Variants in CADM1 observed in about 807,000 individuals in gnomAD.
CADM1 encodes TSLC-1.
A neutral mutation model predicts 53.1 loss-of-function variants in CADM1; 15 were observed. The observed-to-expected ratio is 0.28, with a 90% CI of 0.19 to 0.44. The LOEUF (loss-of-function observed/expected upper bound fraction) is 0.44, where lower values mean the gene tolerates loss of function less well. Ranked by LOEUF, CADM1 falls within the 20% of genes least tolerant of loss-of-function variation. The pLI is 1.00. For synonymous variants in CADM1, 281 were observed against 243.0 expected (o/e 1.16, Z -1.45); for missense variants, 434 against 611.3 (o/e 0.71, Z 3.06).
intron 1 of CADM1, among the ~76,000 whole-genome samples, chr11:115,290,983 A>C (rs1480916471): frequency 1.3e-5 from 2 of 152,212 alleles, no homozygotes; most frequent in East Asian, 3.9e-4. Flanking sequence ...GCTGCCTGAC[A>C]TTAACTCTAT....
chr11:115,496,137 C>T (rs990666534), intron 1 of CADM1, among the ~76,000 whole-genome samples: 5 of 152,060 alleles, frequency 3.3e-5, no homozygotes, highest in African/African-American at 7.2e-5. Flanking sequence ...TAAATTTTCA[C>T]GAAAATCATG....
chr11:115,392,924 C>T (rs912748381), intron 1 of CADM1, among the ~76,000 whole-genome samples: 8 of 151,830 alleles, frequency 5.3e-5, no homozygotes, highest in Non-Finnish European at 1.0e-4. Context: ...ACCTGTAGTT[C>T]GCATGTGCTC....
chr11:115,413,644 C>CTTTTTTCTTTTTTT (rs1947513974), intron 1 of CADM1, among the ~76,000 whole-genome samples: 1 of 120,916 alleles, frequency 8.3e-6, no homozygotes, highest in African/African-American at 2.9e-5. Flanking sequence ...CAGCTCAGTT[C>CTTTTTTCTTTTTTT]TTTTTTTTTT....
chr11:115,434,622 T>C (rs1370077240), intron 1 of CADM1, among the ~76,000 whole-genome samples: 4 of 152,096 alleles, frequency 2.6e-5, no homozygotes, highest in Non-Finnish European at 5.9e-5. Flanking sequence ...ATAATCTGGG[T>C]ACAGCCCTTA....
intron 1 of CADM1, among the ~76,000 whole-genome samples, chr11:115,243,385 A>G (rs1408739517): frequency 6.6e-6 from 1 of 152,228 alleles, no homozygotes; most frequent in Admixed American, 6.5e-5. Context: ...TTGCTGAAAG[A>G]TATCAAAGGG....
chr11:115,217,235 C>T (rs181636681), intron 6 of CADM1, among the ~76,000 whole-genome samples: 34 of 152,166 alleles, frequency 2.2e-4, no homozygotes, highest in Non-Finnish European at 4.3e-4. Context: ...ATATGTAGTT[C>T]CTCAAATTCA....
intron 1 of CADM1, among the ~76,000 whole-genome samples, chr11:115,362,007 T>C (rs1309366773): frequency 6.6e-6 from 1 of 152,216 alleles, no homozygotes; most frequent in Non-Finnish European, 1.5e-5. Flanking sequence ...CTCAAAGTGC[T>C]GGGATTACAG....
chr11:115,252,876 T>C (rs1381044879), intron 1 of CADM1, among the ~76,000 whole-genome samples: 3 of 152,300 alleles, frequency 2.0e-5, no homozygotes, highest in South Asian at 2.1e-4. Flanking sequence ...AAATGACAAA[T>C]TGCACAAAAG....
intron 1 of CADM1, among the ~76,000 whole-genome samples, chr11:115,446,003 T>C (rs555359123): frequency 6.6e-6 from 1 of 152,326 alleles, no homozygotes; most frequent in African/African-American, 2.4e-5. Context: ...GAAAGGACTT[T>C]CCTTCAGTTC....
At chr11:115,252,172 G>T (rs1942626255) in intron 1 of CADM1, among the ~76,000 whole-genome samples, 1 of 152,160 alleles carries the variant, frequency 6.6e-6, no homozygotes, top group Non-Finnish European at 1.5e-5. Context: ...GGTGAAAACA[G>T]GAAAACCTCT....
chr11:115,202,150 G>A (rs976497586), intron 8 of CADM1, among the ~76,000 whole-genome samples: 2 of 150,724 alleles, frequency 1.3e-5, no homozygotes, highest in African/African-American at 4.9e-5. Context: ...CTCTGACAAT[G>A]TGTGAAATTA....
chr11:115,240,634 T>C (rs1045293836), intron 1 of CADM1, among the ~76,000 whole-genome samples: 3 of 152,202 alleles, frequency 2.0e-5, no homozygotes, highest in Non-Finnish European at 4.4e-5. Flanking sequence ...GGAATCATCA[T>C]ACTCTCAAAA....
chr11:115,215,742 C>T (rs1191664538), intron 6 of CADM1, among the ~76,000 whole-genome samples: 1 of 152,212 alleles, frequency 6.6e-6, no homozygotes, highest in African/African-American at 2.4e-5. Context: ...CCTCAACCTC[C>T]TATGAAGTTG....
chr11:115,281,994 CAA>C (rs2135080708), intron 1 of CADM1, among the ~76,000 whole-genome samples: 1 of 152,200 alleles, frequency 6.6e-6, no homozygotes, highest in East Asian at 1.9e-4. Flanking sequence ...AAACATGTAT[CAA>C]AGACACACAA....
chr11:115,433,052 G>T (rs531505139), intron 1 of CADM1, among the ~76,000 whole-genome samples: 1 of 152,264 alleles, frequency 6.6e-6, no homozygotes, highest in East Asian at 1.9e-4. Flanking sequence ...TTTAATAGAT[G>T]TGTAAGTCAC....
chr11:115,337,914 C>T (rs1242357751), intron 1 of CADM1, among the ~76,000 whole-genome samples: 3 of 152,152 alleles, frequency 2.0e-5, no homozygotes, highest in African/African-American at 7.2e-5. Context: ...CATTACTGAA[C>T]TGAGGTTGAA....
Position 115,455,772 on chromosome 11 carries a change from T to A in CADM1, c.124+48499A>T, listed in dbSNP as rs7927390. Among the ~76,000 whole-genome samples, 5 of 152,314 alleles carry A rather than the reference T, an allele frequency of 3.3e-5. No individual in the cohort carries two copies. In the South Asian group the frequency reaches 1.0e-3, roughly 32 times the overall value. ...TTAATTTGCTATGTGGCCAACATGG[T>A]GAAGTACTTCACAAATCGCTGGTTC... On this transcript the variant is annotated intron_variant, in intron 1 of 11. Transcript: ENST00000331581.
intron 1 of CADM1, among the ~76,000 whole-genome samples, chr11:115,395,217 T>A (rs1946964805): frequency 6.6e-6 from 1 of 152,202 alleles, no homozygotes; most frequent in South Asian, 2.1e-4. Context: ...CAGGATTTCT[T>A]GATGCTCTCC....
At chr11:115,217,861 C>T (rs769396039) in intron 6 of CADM1, 31 bp downstream of exon 6, 14 of 1,398,016 alleles carry the variant, frequency 1.0e-5, no homozygotes, top group Non-Finnish European at 1.0e-5. Context: ...CTGCGCATGA[C>T]CCTCTGCCAA....
Sources: allele counts gnomAD v4.1 joint callset (sites outside exome capture counted in the v4.1 genomes callset), GRCh38; gene constraint gnomAD v4.1.1; transcripts MANE v1.5; gene names NCBI Gene and HGNC (gene_info 2026-07-23, HGNC 2026-07-21).